TBC1D8: variants seen among roughly 807,000 people sequenced by gnomAD.
TBC1D8 encodes the protein TBC1 domain family member 8, also known as BUB2-like protein 1.
In TBC1D8, 65 loss-of-function variants were observed where a neutral mutation model predicts 118.8. The observed-to-expected ratio is 0.55, with a 90% CI of 0.45 to 0.67. The LOEUF (loss-of-function observed/expected upper bound fraction) is 0.67. Among genes scored for constraint, TBC1D8 ranks in the 30% least tolerant of loss-of-function variants. TBC1D8 has a pLI of 0.00. For synonymous variants in TBC1D8, 566 were observed against 595.8 expected, an observed-to-expected ratio of 0.95 and a Z score of 0.73; for missense variants, 1,376 against 1,471.2, an observed-to-expected ratio of 0.94 and a Z score of 1.06.
At chr2:101,037,073 T>C (rs1045350082) in intron 8 of TBC1D8, among the ~76,000 whole-genome samples, 1 of 152,206 alleles carries the variant, frequency 6.6e-6, no homozygotes, top group African/African-American at 2.4e-5. Context: ...AGACTATACG[T>C]GACATTTCCC....
chr2:101,118,463 A>G (rs13426934), intron 1 of TBC1D8, among the ~76,000 whole-genome samples: 31,563 of 151,650 alleles, frequency 0.21, 3,535 homozygotes, highest in African/African-American at 0.28. Flanking sequence ...TTGGGAGGCC[A>G]AGGCGGGTGG....
At chr2:101,151,006 C>G (rs1679538785) in intron 1 of TBC1D8, 121 bp downstream of exon 1, 13 of 716,712 alleles carry the variant, frequency 1.8e-5, no homozygotes, top group Non-Finnish European at 2.2e-5. Context: ...CAGGGCCGTC[C>G]GGGCCCCGCG....
At chr2:101,059,678 C>T (rs922344739) in intron 2 of TBC1D8, 139 bp from the exon 3 acceptor site, 20 of 668,410 alleles carry the variant, frequency 3.0e-5, no homozygotes, top group South Asian at 1.2e-4. Flanking sequence ...CAGTGGCTCA[C>T]GCCTGTAATC....
chr2:101,008,318 A>C (rs1397112538), intron 19 of TBC1D8, 45 bp from the exon 20 acceptor site: 9 of 1,440,730 alleles, frequency 6.2e-6, no homozygotes, highest in Non-Finnish European at 8.2e-6. Context: ...CCAGGGTGGA[A>C]GTGTCATTTT....
At chr2:101,129,120 T>C (rs11681033) in intron 1 of TBC1D8, among the ~76,000 whole-genome samples, 19,798 of 152,232 alleles carry the variant, frequency 0.13, 1,448 homozygotes, top group East Asian at 0.28. Flanking sequence ...CCACAGTTTT[T>C]GTGTGTGTGT....
chr2:101,088,587 C>T (rs1675801255), intron 2 of TBC1D8, among the ~76,000 whole-genome samples: 1 of 151,912 alleles, frequency 6.6e-6, no homozygotes, highest in Non-Finnish European at 1.5e-5. Context: ...CACCCAGCCT[C>T]TCTTTTTTAA....
intron 14 of TBC1D8, 53 bp from the exon 15 acceptor site, chr2:101,027,504 G>A (rs570836415): frequency 3.2e-6 from 5 of 1,562,766 alleles, no homozygotes; most frequent in Admixed American, 1.7e-5. Context: ...GCACCCCCAG[G>A]GGTCAGGGCA....
chr2:101,109,091 A>G (rs571485409), intron 1 of TBC1D8, among the ~76,000 whole-genome samples: 1 of 152,284 alleles, frequency 6.6e-6, no homozygotes, highest in East Asian at 1.9e-4. Flanking sequence ...GAAGCGGGGG[A>G]GAGTGACCCC....
At chr2:101,098,923 AT>A (rs1400782634) in intron 1 of TBC1D8, among the ~76,000 whole-genome samples, 2 of 152,150 alleles carry the variant, frequency 1.3e-5, no homozygotes, top group African/African-American at 4.8e-5. Flanking sequence ...AAGATCTCAA[AT>A]CAATACCCTA....
chr2:101,094,203 C>T (rs1331107119), intron 1 of TBC1D8, among the ~76,000 whole-genome samples: 2 of 152,150 alleles, frequency 1.3e-5, no homozygotes, highest in East Asian at 3.9e-4. Flanking sequence ...AATTCCTGCC[C>T]CCTTCCTAGT....
intron 5 of TBC1D8, among the ~76,000 whole-genome samples, chr2:101,044,746 A>G (rs1243622227): frequency 6.6e-6 from 1 of 151,860 alleles, no homozygotes; most frequent in Non-Finnish European, 1.5e-5. Flanking sequence ...AGCGCCACCA[A>G]TCACCTTTTT....
At chr2:101,077,632 G>A (rs948066926) in intron 2 of TBC1D8, among the ~76,000 whole-genome samples, 13 of 152,112 alleles carry the variant, frequency 8.5e-5, no homozygotes, top group African/African-American at 3.1e-4. Flanking sequence ...ATGGTGCCAA[G>A]CCATTCAAGA....
intron 4 of TBC1D8, among the ~76,000 whole-genome samples, chr2:101,053,566 T>G (rs963755902): frequency 6.6e-6 from 1 of 152,232 alleles, no homozygotes; most frequent in East Asian, 1.9e-4. Context: ...CAATACACAA[T>G]TGACACTTGT....
intron 1 of TBC1D8, among the ~76,000 whole-genome samples, chr2:101,127,516 C>A (rs2104248210): frequency 6.6e-6 from 1 of 152,178 alleles, no homozygotes; most frequent in East Asian, 1.9e-4. Flanking sequence ...AAGCACTCTG[C>A]AATCAAAAGA....
chr2:101,106,205 C>G (rs938495016), intron 1 of TBC1D8, among the ~76,000 whole-genome samples: 1 of 152,046 alleles, frequency 6.6e-6, no homozygotes, highest in South Asian at 2.1e-4. Flanking sequence ...CAAGTGGCTG[C>G]TAGAGGGAAA....
chr2:101,120,493 C>T (rs866876004), intron 1 of TBC1D8, among the ~76,000 whole-genome samples: 1 of 152,204 alleles, frequency 6.6e-6, no homozygotes. Flanking sequence ...CTGTGTCTAT[C>T]CTATTATTTG....
intron 2 of TBC1D8, among the ~76,000 whole-genome samples, chr2:101,089,920 GT>G (rs35658698): frequency 0.18 from 23,601 of 130,678 alleles, 2,341 homozygotes; most frequent in Middle Eastern, 0.25. Flanking sequence ...GCTTTCGATG[GT>G]TTTTAAAAAA....
chr2:101,147,091 G>A (rs947433269), intron 1 of TBC1D8, among the ~76,000 whole-genome samples: 1 of 151,910 alleles, frequency 6.6e-6, no homozygotes, highest in East Asian at 1.9e-4. Flanking sequence ...GGCCGAGGCC[G>A]AGGCAGGAGG....
chr2:101,010,978 A>G lies in TBC1D8; in HGVS notation c.2966T>C (p.Leu989Ser). 6.2e-7 allele frequency: 1 copy of G among 1,613,076 alleles called. No individual in the cohort carries two copies. The highest frequency in any genetic ancestry group is 8.5e-7 in the Non-Finnish European group (1 of 1,179,892). Residue 989 changes from leucine to serine, a missense_variant, in exon 19 of 20, where the codon TTA (leucine) becomes TCA (serine). Physicochemically the swap from Leu to Ser is moderately radical, Grantham distance 145. Coordinates refer to ENST00000409318, the MANE Select transcript of TBC1D8 (RefSeq NM_001330348.2). Reference sequence around the variant, plus strand: ...CTCAGTTTTATCTTTTTCTTTGGCTAAATCCTTAATCATCTGCTTCAGCTG... The same window carrying G: ...CTCAGTTTTATCTTTTTCTTTGGCTGAATCCTTAATCATCTGCTTCAGCTG... ...QKQLKQMIKD[L>S]AKEKDKTEKE...
Sources: allele counts gnomAD v4.1 joint callset (sites outside exome capture counted in the v4.1 genomes callset), GRCh38; gene constraint gnomAD v4.1.1; transcripts MANE v1.5; gene names NCBI Gene and HGNC (gene_info 2026-07-23, HGNC 2026-07-21).